Variants in HS3ST3A1 observed in about 807,000 individuals in gnomAD.
The protein encoded by HS3ST3A1 is heparan sulfate glucosamine 3-O-sulfotransferase 3A1.
HS3ST3A1 carries 19 observed loss-of-function variants against 25.7 expected under a neutral mutation model. That is an observed-to-expected ratio of 0.74 (90% CI 0.52 to 1.08). HS3ST3A1 has a LOEUF of 1.08. Among genes scored for constraint, HS3ST3A1 ranks in the 50% least tolerant of loss-of-function variants. The pLI, the probability that HS3ST3A1 is intolerant of heterozygous loss-of-function variation, is 0.00. For missense variants in HS3ST3A1, 459 were observed against 594.3 expected (o/e 0.77, Z 2.37); for synonymous variants, 226 against 278.6 (o/e 0.81, Z 1.88).
intron 1 of HS3ST3A1, among the ~76,000 whole-genome samples, chr17:13,538,776 C>T (rs1053091272): frequency 1.3e-5 from 2 of 152,086 alleles, no homozygotes; most frequent in African/African-American, 4.8e-5. Context: ...GACACGAAAG[C>T]AGGAGAGCCT....
chr17:13,545,841 G>T (rs1907073358), intron 1 of HS3ST3A1, among the ~76,000 whole-genome samples: 1 of 152,112 alleles, frequency 6.6e-6, no homozygotes, highest in Non-Finnish European at 1.5e-5. Context: ...CGGGTGTGGT[G>T]GTGCGCACCT....
rs1905230503 is a variant in HS3ST3A1 at position 13,495,055 on chromosome 17, A to T, written c.*1142T>A. On this transcript the variant is annotated 3_prime_UTR_variant, in exon 2 of 2. Transcript: ENST00000284110. ...TCCAAAGTTAGAAGTGAGATATTAC[A>T]AAGAAAGGTAGGTTTTCTCTCTTTA... Among the ~76,000 whole-genome samples, 1 of 152,238 alleles carries T rather than the reference A, an allele frequency of 6.6e-6. No homozygotes were observed. Among genetic ancestry groups the T allele is most frequent in the Non-Finnish European group, 1.5e-5 (1 of 68,040 alleles).
intron 1 of HS3ST3A1, among the ~76,000 whole-genome samples, chr17:13,499,834 G>A (rs1054026202): frequency 6.6e-6 from 1 of 152,170 alleles, no homozygotes; most frequent in Non-Finnish European, 1.5e-5. Flanking sequence ...GTCATTTGCA[G>A]GATGAGGAAA....
intron 1 of HS3ST3A1, among the ~76,000 whole-genome samples, chr17:13,591,880 G>A (rs1908435920): frequency 1.3e-5 from 2 of 152,066 alleles, no homozygotes; most frequent in Admixed American, 6.5e-5. Context: ...GGCTGGTCTC[G>A]AACTCCTGCC....
At chr17:13,511,543 G>A (rs781391120) in intron 1 of HS3ST3A1, among the ~76,000 whole-genome samples, 2 of 151,652 alleles carry the variant, frequency 1.3e-5, no homozygotes, top group Non-Finnish European at 2.9e-5. Context: ...TCCAGTTCAC[G>A]GTCCTGAAGA....
At chr17:13,556,074 G>C (rs1224703772) in intron 1 of HS3ST3A1, 1 of 152,156 alleles carries the variant, frequency 6.6e-6, no homozygotes, top group Non-Finnish European at 1.5e-5. Flanking sequence ...TCCACATTCA[G>C]CTTTGAGGAA....
At chr17:13,519,030 C>T (rs1255630548) in intron 1 of HS3ST3A1, among the ~76,000 whole-genome samples, 2 of 152,054 alleles carry the variant, frequency 1.3e-5, no homozygotes, top group Non-Finnish European at 2.9e-5. Context: ...ATGTGCTTAC[C>T]AAAAATCTGG....
chr17:13,569,634 A>G (rs936637109), intron 1 of HS3ST3A1, among the ~76,000 whole-genome samples: 2 of 152,152 alleles, frequency 1.3e-5, no homozygotes, highest in Non-Finnish European at 2.9e-5. Context: ...CTATCTCTCT[A>G]TACAACCAGT....
At chr17:13,578,899 A>T (rs925875874) in intron 1 of HS3ST3A1, among the ~76,000 whole-genome samples, 1 of 152,224 alleles carries the variant, frequency 6.6e-6, no homozygotes. Flanking sequence ...ATTATTAAAG[A>T]TACTCAAATT....
At chr17:13,542,049 C>G (rs1345696726) in intron 1 of HS3ST3A1, among the ~76,000 whole-genome samples, 3 of 152,048 alleles carry the variant, frequency 2.0e-5, no homozygotes, top group African/African-American at 7.2e-5. Context: ...AATGAGGGGT[C>G]GGGCACAGTG....
chr17:13,590,732 C>T (rs980104414), intron 1 of HS3ST3A1, among the ~76,000 whole-genome samples: 1 of 152,108 alleles, frequency 6.6e-6, no homozygotes, highest in Non-Finnish European at 1.5e-5. Context: ...TTATTAATAA[C>T]AATAATAATG....
chr17:13,601,146 G>C lies in HS3ST3A1; in HGVS notation c.-17C>G. On this transcript the variant is annotated 5_prime_UTR_variant, in exon 1 of 2. Coordinates refer to ENST00000284110, the MANE Select transcript of HS3ST3A1 (RefSeq NM_006042.3). ...AGGGGCCATCCTAGCCGGAGGCGAC[G>C]TCGGGCAACGCGCCGGCCATGCTAG... 6.7e-7 allele frequency: 1 copy of C among 1,497,484 alleles called. No homozygotes were observed. The highest frequency in any genetic ancestry group is 2.3e-5 in the Admixed American group (1 of 43,874). 92.8% of individuals were successfully genotyped at this position (1,497,484 alleles called of 1,614,324 possible).
intron 1 of HS3ST3A1, among the ~76,000 whole-genome samples, chr17:13,498,533 A>G (rs1029099072): frequency 2.0e-5 from 3 of 152,218 alleles, no homozygotes; most frequent in African/African-American, 7.2e-5. Flanking sequence ...AAAACTGTCC[A>G]TAAAGAAATT....
chr17:13,550,441 A>C (rs947783615), intron 1 of HS3ST3A1, among the ~76,000 whole-genome samples: 1 of 151,816 alleles, frequency 6.6e-6, no homozygotes, highest in African/African-American at 2.4e-5. Context: ...CACGCCCCCC[A>C]TGTTCTTTTC....
At chr17:13,525,154 A>G (rs988943600) in intron 1 of HS3ST3A1, among the ~76,000 whole-genome samples, 1 of 152,110 alleles carries the variant, frequency 6.6e-6, no homozygotes, top group Non-Finnish European at 1.5e-5. Flanking sequence ...CTTATTTCAT[A>G]TTGTTTTAGT....
At chr17:13,583,384 T>C (rs1439738577) in intron 1 of HS3ST3A1, among the ~76,000 whole-genome samples, 1 of 152,184 alleles carries the variant, frequency 6.6e-6, no homozygotes, top group Non-Finnish European at 1.5e-5. Flanking sequence ...ATTCTAAATT[T>C]TGTTACATAT....
At chr17:13,529,902 G>T (rs1207643314) in intron 1 of HS3ST3A1, among the ~76,000 whole-genome samples, 1 of 151,854 alleles carries the variant, frequency 6.6e-6, no homozygotes, top group Non-Finnish European at 1.5e-5. Flanking sequence ...ATCATGAATT[G>T]TATTATATAT....
intron 1 of HS3ST3A1, among the ~76,000 whole-genome samples, chr17:13,536,930 G>C (rs922753624): frequency 6.6e-6 from 1 of 152,196 alleles, no homozygotes; most frequent in Non-Finnish European, 1.5e-5. Flanking sequence ...CTAGTTAGTA[G>C]CTGAGGAGGA....
chr17:13,514,514 A>G (rs1905989526), intron 1 of HS3ST3A1, among the ~76,000 whole-genome samples: 1 of 152,186 alleles, frequency 6.6e-6, no homozygotes, highest in South Asian at 2.1e-4. Context: ...CTAAGTTGCT[A>G]TGTATCCTTC....
Sources: gnomAD v4.1 joint callset for allele counts (sites outside exome capture counted in the v4.1 genomes callset) on GRCh38, gnomAD v4.1.1 for gene constraint, MANE v1.5 for transcripts, NCBI Gene and HGNC (gene_info 2026-07-23, HGNC 2026-07-21) for gene names.